The following KCNIP4 variants were observed in gnomAD, a reference collection of about 807,000 sequenced individuals.
KCNIP4 encodes Kv channel-interacting protein 4.
A neutral mutation model predicts 34.0 loss-of-function variants in KCNIP4; 12 were observed. The observed-to-expected ratio is 0.35, with a 90% CI of 0.23 to 0.57. The LOEUF is 0.57. Among genes scored for constraint, KCNIP4 ranks in the 20% least tolerant of loss-of-function variants. KCNIP4 has a pLI of 0.83. For synonymous variants in KCNIP4, 124 were observed against 102.2 expected (o/e 1.21, Z -1.29); for missense variants, 238 against 311.7 (o/e 0.76, Z 1.78).
intron 1 of KCNIP4, among the ~76,000 whole-genome samples, chr4:21,250,083 T>G (rs553381919): frequency 1.3e-4 from 20 of 151,458 alleles, no homozygotes; most frequent in South Asian, 6.2e-4. Flanking sequence ...AAGGGAGTGG[T>G]AAACTGTTCA....
At chr4:20,948,499 T>G (rs996030312) in intron 1 of KCNIP4, among the ~76,000 whole-genome samples, 1 of 152,136 alleles carries the variant, frequency 6.6e-6, no homozygotes, top group African/African-American at 2.4e-5. Flanking sequence ...ACCCACCACA[T>G]GTGGTTGGAG....
intron 1 of KCNIP4, among the ~76,000 whole-genome samples, chr4:21,184,054 A>G (rs1055499734): frequency 6.6e-6 from 1 of 152,158 alleles, no homozygotes; most frequent in Non-Finnish European, 1.5e-5. Context: ...GACAGGCAGT[A>G]CAAAGCAGTG....
chr4:21,201,274 A>G (rs896678348), intron 1 of KCNIP4, among the ~76,000 whole-genome samples: 1 of 152,222 alleles, frequency 6.6e-6, no homozygotes, highest in Non-Finnish European at 1.5e-5. Context: ...AAATCTATTT[A>G]TTGCTACAAT....
intron 1 of KCNIP4, among the ~76,000 whole-genome samples, chr4:21,947,701 C>T (rs1730581600): frequency 6.6e-6 from 1 of 152,138 alleles, no homozygotes; most frequent in Non-Finnish European, 1.5e-5. Context: ...ATATGTGACC[C>T]CTTAGCTTAT....
chr4:21,905,965 T>C, intron 1 of KCNIP4, among the ~76,000 whole-genome samples: 1 of 152,168 alleles, frequency 6.6e-6, no homozygotes, highest in East Asian at 1.9e-4. Flanking sequence ...CTTGTTTGCA[T>C]AGACCACAGG....
intron 1 of KCNIP4, among the ~76,000 whole-genome samples, chr4:21,036,319 G>A (rs1027928712): frequency 6.6e-6 from 1 of 152,122 alleles, no homozygotes; most frequent in Admixed American, 6.5e-5. Context: ...TTGAACTCAA[G>A]TCTTATCCCT....
At chr4:21,170,252 C>A (rs1054676293) in intron 1 of KCNIP4, among the ~76,000 whole-genome samples, 16 of 151,906 alleles carry the variant, frequency 1.1e-4, no homozygotes, top group African/African-American at 3.9e-4. Flanking sequence ...TCAATTTTAC[C>A]AAGCTATTTT....
chr4:21,729,290 T>C (rs1715418245), intron 1 of KCNIP4, among the ~76,000 whole-genome samples: 1 of 152,176 alleles, frequency 6.6e-6, no homozygotes. Context: ...TATTTCATTA[T>C]TAGAAACACT....
At chr4:21,455,810 TA>T (rs1728886727) in intron 1 of KCNIP4, among the ~76,000 whole-genome samples, 2,512 of 67,912 alleles carry the variant, frequency 0.037, 306 homozygotes, top group South Asian at 0.064. Context: ...CAGATATTCA[TA>T]TATATATATA....
chr4:20,744,533 C>T (rs533476144), intron 5 of KCNIP4, among the ~76,000 whole-genome samples: 5 of 152,000 alleles, frequency 3.3e-5, no homozygotes, highest in Admixed American at 6.6e-5. Flanking sequence ...AACCAAACAC[C>T]GCATGTTCTC....
intron 1 of KCNIP4, among the ~76,000 whole-genome samples, chr4:21,789,070 C>CAAAAAAAA (rs35630701): frequency 3.2e-5 from 3 of 93,938 alleles, no homozygotes; most frequent in Non-Finnish European, 4.1e-5. Context: ...GAGATTCTGT[C>CAAAAAAAA]AAAAAAAAAA....
chr4:21,448,715 TC>T (rs1728253243), intron 1 of KCNIP4, among the ~76,000 whole-genome samples: 1 of 152,068 alleles, frequency 6.6e-6, no homozygotes, highest in Admixed American at 6.6e-5. Flanking sequence ...TGGAGGGACA[TC>T]CTTTTTACTT....
intron 1 of KCNIP4, among the ~76,000 whole-genome samples, chr4:21,047,068 T>C (rs1742493150): frequency 6.6e-6 from 1 of 152,190 alleles, no homozygotes; most frequent in Non-Finnish European, 1.5e-5. Context: ...TAATGATATA[T>C]TTTAAAAAGT....
intron 1 of KCNIP4, among the ~76,000 whole-genome samples, chr4:21,070,510 T>C (rs1039689163): frequency 2.0e-5 from 3 of 152,060 alleles, no homozygotes; most frequent in Non-Finnish European, 4.4e-5. Flanking sequence ...TATCTCATTG[T>C]CATCTTAATT....
At chr4:21,490,715 A>G (rs1732317127) in intron 1 of KCNIP4, among the ~76,000 whole-genome samples, 1 of 152,158 alleles carries the variant, frequency 6.6e-6, no homozygotes, top group African/African-American at 2.4e-5. Flanking sequence ...TTAACCCAAA[A>G]CATTTCTTTA....
At chr4:21,672,374 G>T (rs1366924904) in intron 1 of KCNIP4, among the ~76,000 whole-genome samples, 2 of 144,608 alleles carry the variant, frequency 1.4e-5, no homozygotes, top group Non-Finnish European at 2.9e-5. Flanking sequence ...TCACACATCT[G>T]CTGTGAGACC....
At chr4:21,036,314 C>T (rs551229423) in intron 1 of KCNIP4, among the ~76,000 whole-genome samples, 1 of 152,160 alleles carries the variant, frequency 6.6e-6, no homozygotes, top group Non-Finnish European at 1.5e-5. Flanking sequence ...TGGACTTGAA[C>T]TCAAGTCTTA....
intron 1 of KCNIP4, among the ~76,000 whole-genome samples, chr4:21,154,168 T>G (rs1352670596): frequency 6.6e-6 from 1 of 152,172 alleles, no homozygotes; most frequent in Admixed American, 6.5e-5. Context: ...ATGACTTCTA[T>G]GTAGCCAATT....
chr4:21,913,313 C>T (rs1028309044), intron 1 of KCNIP4, among the ~76,000 whole-genome samples: 12 of 151,616 alleles, frequency 7.9e-5, no homozygotes, highest in Admixed American at 3.3e-4. Context: ...GCACTCCAGC[C>T]TGGTGACAGA....
Sources: allele counts gnomAD v4.1 joint callset (sites outside exome capture counted in the v4.1 genomes callset), GRCh38; gene constraint gnomAD v4.1.1; transcripts MANE v1.5; gene names NCBI Gene and HGNC (gene_info 2026-07-23, HGNC 2026-07-21).